Variants in LMO7 observed in about 807,000 individuals in gnomAD.
The protein encoded by LMO7 is LIM domain only protein 7.
LMO7 carries 120 observed loss-of-function variants against 206.5 expected under a neutral mutation model. That is an observed-to-expected ratio of 0.58 (90% CI 0.50 to 0.68). LMO7 has a LOEUF of 0.68. LMO7 is among the 30% of genes least tolerant of loss of function. The pLI is 0.00. For synonymous variants in LMO7, 706 were observed against 681.5 expected (o/e 1.04, Z -0.56); for missense variants, 1,959 against 1,957.9 (o/e 1.00, Z -0.01).
chr13:75,774,857 C>G (rs1179432029), intron 4 of LMO7, among the ~76,000 whole-genome samples: 1 of 152,006 alleles, frequency 6.6e-6, no homozygotes, highest in African/African-American at 2.4e-5. Context: ...GATGAAATTA[C>G]CATTTGGTTA....
chr13:75,836,746 C>T (rs776025253), intron 19 of LMO7, among the ~76,000 whole-genome samples: 3 of 152,156 alleles, frequency 2.0e-5, no homozygotes, highest in Non-Finnish European at 2.9e-5. Flanking sequence ...AGGCCGTCAG[C>T]TTTCTTGCTA....
chr13:75,738,199 G>A (rs2046112083), intron 3 of LMO7, among the ~76,000 whole-genome samples: 1 of 152,234 alleles, frequency 6.6e-6, no homozygotes, highest in Non-Finnish European at 1.5e-5. Flanking sequence ...TTTAAGCTGA[G>A]TTGTTACGGT....
intron 1 of LMO7, among the ~76,000 whole-genome samples, chr13:75,702,050 A>G (rs1224004825): frequency 6.6e-6 from 1 of 151,914 alleles, no homozygotes; most frequent in Non-Finnish European, 1.5e-5. Context: ...AAAGTTGGCT[A>G]TGGTCTAGGG....
chr13:75,679,091 C>T (rs997765455), intron 1 of LMO7, among the ~76,000 whole-genome samples: 1 of 152,072 alleles, frequency 6.6e-6, no homozygotes, highest in African/African-American at 2.4e-5. Flanking sequence ...ATTGTTTTTT[C>T]CCCCCTTTCT....
At chr13:75,700,444 T>C (rs1026530272) in intron 1 of LMO7, among the ~76,000 whole-genome samples, 7 of 152,268 alleles carry the variant, frequency 4.6e-5, no homozygotes, top group African/African-American at 1.4e-4. Flanking sequence ...TATGTTCTTC[T>C]GCCGTGGCTT....
At chr13:75,683,567 A>G (rs998420878) in intron 1 of LMO7, among the ~76,000 whole-genome samples, 2 of 152,214 alleles carry the variant, frequency 1.3e-5, no homozygotes, top group Non-Finnish European at 1.5e-5. Flanking sequence ...ACCCAAGGGC[A>G]ATATCTTAAG....
intron 1 of LMO7, among the ~76,000 whole-genome samples, chr13:75,667,109 A>G (rs778893040): frequency 3.7e-4 from 56 of 152,008 alleles, no homozygotes; most frequent in Admixed American, 2.3e-3. Context: ...TTCCAATTCC[A>G]TTGTCTCTGA....
At chr13:75,729,617 A>C (rs1376285818) in intron 3 of LMO7, among the ~76,000 whole-genome samples, 20 of 150,426 alleles carry the variant, frequency 1.3e-4, no homozygotes, top group East Asian at 2.0e-4. Context: ...AATACCCTTT[A>C]TTTCCTTCTC....
chr13:75,790,688 A>G (rs1401580999), intron 4 of LMO7, among the ~76,000 whole-genome samples: 1 of 152,150 alleles, frequency 6.6e-6, no homozygotes, highest in Non-Finnish European at 1.5e-5. Flanking sequence ...TTAGGATAAG[A>G]TGATTAGAGC....
chr13:75,655,434 T>C (rs1461682891), intron 1 of LMO7, among the ~76,000 whole-genome samples: 1 of 152,132 alleles, frequency 6.6e-6, no homozygotes, highest in Non-Finnish European at 1.5e-5. Flanking sequence ...CTCAGTGATA[T>C]TTATTCTATT....
At chr13:75,764,429 C>T (rs1007708684) in intron 4 of LMO7, among the ~76,000 whole-genome samples, 1 of 152,038 alleles carries the variant, frequency 6.6e-6, no homozygotes, top group African/African-American at 2.4e-5. Context: ...CATAATGGCC[C>T]CACCAGCCTG....
chr13:75,681,524 A>G (rs1389346329), intron 1 of LMO7, among the ~76,000 whole-genome samples: 2 of 151,814 alleles, frequency 1.3e-5, no homozygotes, highest in East Asian at 3.9e-4. Flanking sequence ...CTGTCAGTCC[A>G]ACAGAATACA....
intron 1 of LMO7, among the ~76,000 whole-genome samples, chr13:75,703,739 T>TGTGTGTGC (rs57290262): frequency 9.2e-4 from 140 of 151,778 alleles, no homozygotes; most frequent in African/African-American, 3.3e-3. Flanking sequence ...TGTGTGTGTG[T>TGTGTGTGC]GCACTGTGAG....
At chr13:75,741,880 G>A (rs2046439370) in intron 3 of LMO7, among the ~76,000 whole-genome samples, 1 of 152,124 alleles carries the variant, frequency 6.6e-6, no homozygotes, top group Non-Finnish European at 1.5e-5. Flanking sequence ...GTCCTGGCCA[G>A]AGCAATCAAT....
At chr13:75,841,519 C>A in intron 23 of LMO7, 109 bp from the exon 24 acceptor site, 1 of 783,668 alleles carries the variant, frequency 1.3e-6, no homozygotes, top group Non-Finnish European at 2.0e-6. Context: ...TGAGTGGAGT[C>A]CTGGGCCAAC....
chr13:75,760,839 G>A, intron 3 of LMO7, 93 bp from the exon 4 acceptor site: 1 of 1,566,966 alleles, frequency 6.4e-7, no homozygotes, highest in Admixed American at 1.9e-5. Context: ...ACTGTAATTG[G>A]ACTTTGAAGC....
intron 3 of LMO7, among the ~76,000 whole-genome samples, chr13:75,733,937 C>T (rs1208243909): frequency 1.3e-5 from 2 of 152,232 alleles, no homozygotes; most frequent in Admixed American, 6.5e-5. Context: ...ACAATGGTGG[C>T]CCAGACTGCG....
At chr13:75,819,649 T>A in intron 13 of LMO7, 114 bp downstream of exon 13, 1 of 1,061,874 alleles carries the variant, frequency 9.4e-7, no homozygotes, top group Non-Finnish European at 1.3e-6. Flanking sequence ...TCAACTTTAG[T>A]CAAATATGCA....
At chr13:75,699,490 C>T (rs527657118) in intron 1 of LMO7, among the ~76,000 whole-genome samples, 15 of 150,778 alleles carry the variant, frequency 9.9e-5, no homozygotes, top group Non-Finnish European at 1.3e-4. Flanking sequence ...CCCTAAGTGT[C>T]GGCCGGTCTG....
Sources: gnomAD v4.1 joint callset for allele counts (sites outside exome capture counted in the v4.1 genomes callset) on GRCh38, gnomAD v4.1.1 for gene constraint, MANE v1.5 for transcripts, NCBI Gene and HGNC (gene_info 2026-07-23, HGNC 2026-07-21) for gene names.